The following PLPPR1 variants were observed in gnomAD, a reference collection of about 807,000 sequenced individuals.
The protein encoded by PLPPR1 is phospholipid phosphatase-related protein type 1.
In PLPPR1, 10 loss-of-function variants were observed where a neutral mutation model predicts 33.1. That is an observed-to-expected ratio of 0.30 (90% CI 0.19 to 0.51). PLPPR1 has a LOEUF of 0.51. Ranked by LOEUF, PLPPR1 falls within the 20% of genes least tolerant of loss-of-function variation. The pLI, the probability that PLPPR1 is intolerant of heterozygous loss-of-function variation, is 0.97. For missense variants in PLPPR1, 304 were observed against 408.1 expected, an observed-to-expected ratio of 0.74 and a Z score of 2.20; for synonymous variants, 151 against 151.0, an observed-to-expected ratio of 1.00 and a Z score of 0.00.
chr9:101,200,798 A>G (rs952982094), intron 2 of PLPPR1, among the ~76,000 whole-genome samples: 1 of 152,148 alleles, frequency 6.6e-6, no homozygotes, highest in Non-Finnish European at 1.5e-5. Context: ...TTTGGTATAC[A>G]TTGCATAGAA....
intron 3 of PLPPR1, among the ~76,000 whole-genome samples, chr9:101,279,653 A>C (rs183912467): frequency 5.2e-4 from 79 of 152,328 alleles, no homozygotes; most frequent in African/African-American, 1.7e-3. Flanking sequence ...ACTAATAATC[A>C]ATAAGAGGAA....
intron 3 of PLPPR1, among the ~76,000 whole-genome samples, chr9:101,273,938 G>C (rs958790331): frequency 1.3e-5 from 2 of 152,196 alleles, no homozygotes; most frequent in African/African-American, 4.8e-5. Flanking sequence ...TCTCCTCTCA[G>C]AGTAAAAGTG....
At chr9:101,164,091 A>G (rs1825813198) in intron 1 of PLPPR1, among the ~76,000 whole-genome samples, 1 of 152,214 alleles carries the variant, frequency 6.6e-6, no homozygotes, top group South Asian at 2.1e-4. Context: ...ATGACCAGGT[A>G]TGTGGGTTAA....
intron 1 of PLPPR1, among the ~76,000 whole-genome samples, chr9:101,095,180 C>T (rs1830801207): frequency 6.6e-6 from 1 of 152,186 alleles, no homozygotes; most frequent in Non-Finnish European, 1.5e-5. Context: ...TCCTCATGTG[C>T]CTCAGTCAAT....
chr9:101,112,733 T>C (rs1055175380), intron 1 of PLPPR1, among the ~76,000 whole-genome samples: 2 of 152,182 alleles, frequency 1.3e-5, no homozygotes, highest in South Asian at 2.1e-4. Flanking sequence ...CAAATTGATA[T>C]AGGAAGTGGT....
intron 4 of PLPPR1, among the ~76,000 whole-genome samples, chr9:101,298,135 TTTGAG>T (rs1828682546): frequency 6.6e-6 from 1 of 152,198 alleles, no homozygotes; most frequent in African/African-American, 2.4e-5. Context: ...GAATAGTTGC[TTTGAG>T]TTAATTAAAA....
At chr9:101,031,597 A>T (rs977291047) in intron 1 of PLPPR1, among the ~76,000 whole-genome samples, 1 of 152,242 alleles carries the variant, frequency 6.6e-6, no homozygotes, top group African/African-American at 2.4e-5. Context: ...AAAGTAAAAA[A>T]TGGTCCCAAT....
intron 2 of PLPPR1, among the ~76,000 whole-genome samples, chr9:101,206,152 A>AT (rs1826585143): frequency 1.3e-5 from 2 of 152,236 alleles, no homozygotes; most frequent in Non-Finnish European, 2.9e-5. Context: ...ATTGAAAAAG[A>AT]TTTTAAAACT....
intron 1 of PLPPR1, among the ~76,000 whole-genome samples, chr9:101,066,612 T>C (rs2118478672): frequency 6.6e-6 from 1 of 152,218 alleles, no homozygotes; most frequent in African/African-American, 2.4e-5. Context: ...TATACTACTA[T>C]ATTTTGTTGC....
rs141135516 is a variant in PLPPR1, at chr9:101,318,642, C to T, written c.945+1146C>T. Among the ~76,000 whole-genome samples, 288 of 152,166 alleles carry T rather than the reference C, an allele frequency of 1.9e-3. 3 individuals are homozygous for T. Among genetic ancestry groups the T allele is most frequent in the East Asian group, 6.6e-3 (34 of 5,166 alleles). ...TACAAAAATTAGCCCGGCATGGTAG[C>T]GCATGCCTGTAGTCCCAGCTACTCC... On this transcript the variant is annotated intron_variant, in intron 7 of 7. Coordinates refer to ENST00000374874, the MANE Select transcript of PLPPR1 (RefSeq NM_207299.2).
At chr9:101,174,501 C>A (rs1406692590) in intron 1 of PLPPR1, among the ~76,000 whole-genome samples, 1 of 152,036 alleles carries the variant, frequency 6.6e-6, no homozygotes, top group African/African-American at 2.4e-5. Context: ...TCATGGAGAC[C>A]CTTTTGAAGG....
At chr9:101,065,000 G>A (rs1830393875) in intron 1 of PLPPR1, among the ~76,000 whole-genome samples, 2 of 151,944 alleles carry the variant, frequency 1.3e-5, no homozygotes, top group East Asian at 1.9e-4. Flanking sequence ...CTCTCAACAC[G>A]TCTACACTGG....
intron 1 of PLPPR1, among the ~76,000 whole-genome samples, chr9:101,066,458 G>A (rs1482940095): frequency 6.6e-6 from 1 of 151,942 alleles, no homozygotes; most frequent in Non-Finnish European, 1.5e-5. Context: ...CCACCTTCAT[G>A]GGGTGGGGGT....
chr9:101,092,033 T>C (rs1220377978), intron 1 of PLPPR1, among the ~76,000 whole-genome samples: 1 of 152,152 alleles, frequency 6.6e-6, no homozygotes, highest in East Asian at 1.9e-4. Flanking sequence ...CAGCTGCTTC[T>C]CTTGACACTC....
chr9:101,229,018 C>G (rs1827129738), intron 2 of PLPPR1, among the ~76,000 whole-genome samples: 1 of 145,456 alleles, frequency 6.9e-6, no homozygotes. Flanking sequence ...GGAGATTCAT[C>G]TGACCATTCC....
chr9:101,190,614 A>G (rs1416356778), intron 2 of PLPPR1, among the ~76,000 whole-genome samples: 3 of 152,126 alleles, frequency 2.0e-5, no homozygotes, highest in South Asian at 2.1e-4. Context: ...ACCAGCCTCT[A>G]CAATTCAAAG....
chr9:101,223,545 C>G (rs1173017422), intron 2 of PLPPR1, among the ~76,000 whole-genome samples: 1 of 152,046 alleles, frequency 6.6e-6, no homozygotes, highest in Non-Finnish European at 1.5e-5. Flanking sequence ...TCCCCATAAG[C>G]CCCATGTGTC....
At chr9:101,137,468 T>C (rs140587528) in intron 1 of PLPPR1, among the ~76,000 whole-genome samples, 20 of 152,332 alleles carry the variant, frequency 1.3e-4, no homozygotes, top group African/African-American at 3.8e-4. Flanking sequence ...GGGACACTGA[T>C]AGCCCATACT....
chr9:101,168,102 C>T (rs987581421), intron 1 of PLPPR1, among the ~76,000 whole-genome samples: 4 of 152,160 alleles, frequency 2.6e-5, no homozygotes, highest in Non-Finnish European at 4.4e-5. Context: ...CCTCCTACAA[C>T]ACATGGGAAT....
Sources: allele counts gnomAD v4.1 joint callset (sites outside exome capture counted in the v4.1 genomes callset), GRCh38; gene constraint gnomAD v4.1.1; transcripts MANE v1.5; gene names NCBI Gene and HGNC (gene_info 2026-07-23, HGNC 2026-07-21).